HECW1: variants seen among roughly 807,000 people sequenced by gnomAD.
HECW1 encodes the protein HECT, C2 and WW domain containing E3 ubiquitin protein ligase 1, also known as E3 ubiquitin-protein ligase HECW1.
HECW1 carries 61 observed loss-of-function variants against 182.3 expected under a neutral mutation model. That is an observed-to-expected ratio of 0.33 (90% CI 0.27 to 0.41). The LOEUF (loss-of-function observed/expected upper bound fraction) is 0.41. Among genes scored for constraint, HECW1 ranks in the 10% least tolerant of loss-of-function variants. The pLI is 1.00. For synonymous variants in HECW1, 859 were observed against 832.6 expected, an observed-to-expected ratio of 1.03 and a Z score of -0.55; for missense variants, 1,739 against 2,108.9, an observed-to-expected ratio of 0.82 and a Z score of 3.44.
chr7:43,355,301 G>T (rs932481303), intron 5 of HECW1, among the ~76,000 whole-genome samples: 4 of 152,194 alleles, frequency 2.6e-5, no homozygotes, highest in African/African-American at 4.8e-5. Flanking sequence ...TACTGTAATT[G>T]TGGTGTGCAA....
At position 43,492,147 on chromosome 7, in the gene HECW1, C is replaced by A. The variant is rs1404107960; in HGVS notation, c.3307C>A (p.Arg1103=). The part of the protein sequence containing the change: ...RPGHSLVAAI[R]SQHQHESLPL... ...AGGACACAGCTTAGTAGCTGCTATT[C>A]GAAGCCAACATCAACATGAGTCATT... The change falls in exon 18 of 30, where the codon CGA becomes AGA. Residue 1103 remains arginine (R), a synonymous_variant. Coordinates refer to ENST00000395891, the MANE Select transcript of HECW1 (RefSeq NM_015052.5). The A allele has an allele frequency of 1.0e-5, 16 of 1,601,606 alleles. No individual in the cohort carries two copies. Among genetic ancestry groups the A allele is most frequent in the Non-Finnish European group, 1.4e-5 (16 of 1,176,834 alleles).
chr7:43,490,266 T>A (rs981414473), intron 17 of HECW1, among the ~76,000 whole-genome samples: 3 of 152,186 alleles, frequency 2.0e-5, no homozygotes, highest in African/African-American at 7.2e-5. Context: ...ACTGAGCTGC[T>A]TCCGTACCAT....
intron 2 of HECW1, among the ~76,000 whole-genome samples, chr7:43,184,907 G>A (rs1212799846): frequency 6.6e-6 from 1 of 152,006 alleles, no homozygotes; most frequent in Admixed American, 6.6e-5. Context: ...CAGATGAGGG[G>A]AGGTGCCACA....
At chr7:43,162,919 T>C (rs947773882) in intron 2 of HECW1, 1 of 152,230 alleles carries the variant, frequency 6.6e-6, no homozygotes, top group Non-Finnish European at 1.5e-5. Flanking sequence ...TTACTGTTGT[T>C]TTACAGATGA....
chr7:43,263,936 T>C (rs1476125227), intron 3 of HECW1, among the ~76,000 whole-genome samples: 5 of 152,244 alleles, frequency 3.3e-5, no homozygotes, highest in African/African-American at 1.2e-4. Flanking sequence ...AAATCTCTAA[T>C]TTTTAAAAAT....
At chr7:43,479,284 A>G (rs1172519694) in intron 16 of HECW1, among the ~76,000 whole-genome samples, 2 of 152,096 alleles carry the variant, frequency 1.3e-5, no homozygotes, top group Admixed American at 1.3e-4. Flanking sequence ...TCTCATAAGG[A>G]GTGTGCAACC....
chr7:43,414,043 G>C (rs2075900413), intron 8 of HECW1, among the ~76,000 whole-genome samples: 1 of 151,566 alleles, frequency 6.6e-6, no homozygotes, highest in Admixed American at 6.6e-5. Flanking sequence ...AATTACCCTG[G>C]GCAGTATGGC....
intron 3 of HECW1, among the ~76,000 whole-genome samples, chr7:43,277,163 T>C (rs1803266119): frequency 6.6e-6 from 1 of 152,162 alleles, no homozygotes; most frequent in Non-Finnish European, 1.5e-5. Context: ...AATGTGAAGA[T>C]GAACAAACCT....
rs766605415 is a variant in HECW1 at position 43,311,963 on chromosome 7, C to T, written c.228C>T (p.Asp76=). The T allele has an allele frequency of 1.2e-6, 2 of 1,614,238 alleles. No individual in the cohort carries two copies. The highest frequency in any genetic ancestry group is 1.7e-6 in the Non-Finnish European group (2 of 1,180,042). The part of the protein sequence containing the change: ...STSDTDLVTS[D]SRSTLMVSSS... Reference sequence around the variant, plus strand: ...GCGACACTGACCTGGTCACCTCGGACAGCCGCTCCACGCTCATGGTCAGCA... The same window carrying T: ...GCGACACTGACCTGGTCACCTCGGATAGCCGCTCCACGCTCATGGTCAGCA... The change falls in exon 4 of 30, where the codon GAC becomes GAT. Residue 76 remains aspartate, a synonymous_variant. Transcript: ENST00000395891.
chr7:43,451,846 C>T (rs1436639632), intron 12 of HECW1, among the ~76,000 whole-genome samples: 1 of 152,152 alleles, frequency 6.6e-6, no homozygotes, highest in Non-Finnish European at 1.5e-5. Context: ...ACTACGAAAT[C>T]TTTCCAGAAT....
intron 2 of HECW1, among the ~76,000 whole-genome samples, chr7:43,205,518 C>T (rs1247291174): frequency 6.6e-6 from 1 of 152,140 alleles, no homozygotes; most frequent in Non-Finnish European, 1.5e-5. Context: ...AGTCGTAGTT[C>T]TTCTAGGCCA....
intron 5 of HECW1, among the ~76,000 whole-genome samples, chr7:43,353,429 C>T (rs1814702564): frequency 6.6e-6 from 1 of 152,052 alleles, no homozygotes; most frequent in South Asian, 2.1e-4. Context: ...CCATGACGTC[C>T]ATTTCCAAAA....
chr7:43,505,882 G>GTATATAA (rs2079558396), intron 21 of HECW1, among the ~76,000 whole-genome samples: 1 of 152,300 alleles, frequency 6.6e-6, no homozygotes, highest in South Asian at 2.1e-4. Flanking sequence ...ATTTCTGAGA[G>GTATATAA]TTTACCAGCA....
Position 43,222,589 on chromosome 7 carries a change from G to C in HECW1, c.-31-21286G>C, listed in dbSNP as rs75940971. ...TTCTTCAGCTGCTACTGCTGAATTA[G>C]AGTCTAAAGATACTGTTCTTCTTCC... is the stretch of plus-strand genomic sequence containing the variant. On this transcript the variant is annotated intron_variant, in intron 2 of 29. Coordinates refer to ENST00000395891, the MANE Select transcript of HECW1 (RefSeq NM_015052.5). Among the ~76,000 whole-genome samples the C allele has an allele frequency of 9.7e-3, 1,479 of 152,298 alleles. 31 individuals carry two copies. Among genetic ancestry groups the C allele is most frequent in the East Asian group, 0.085 (438 of 5,172 alleles).
intron 22 of HECW1, 120 bp downstream of exon 22, chr7:43,507,377 CT>C: frequency 1.1e-6 from 1 of 943,056 alleles, no homozygotes; most frequent in Non-Finnish European, 1.5e-6. Flanking sequence ...TGGTTATGGT[CT>C]GAAGCGGGGG....
intron 3 of HECW1, among the ~76,000 whole-genome samples, chr7:43,294,563 AC>A (rs1805803220): frequency 6.6e-6 from 1 of 152,212 alleles, no homozygotes; most frequent in African/African-American, 2.4e-5. Context: ...CCTGGCTAAT[AC>A]TTGGCTCCTC....
At chr7:43,455,967 C>T (rs544119554) in intron 12 of HECW1, among the ~76,000 whole-genome samples, 2 of 152,038 alleles carry the variant, frequency 1.3e-5, no homozygotes, top group South Asian at 2.1e-4. Flanking sequence ...CACCACTGCA[C>T]TCCAGCCTGG....
chr7:43,479,582 G>A (rs201525922), intron 16 of HECW1, 28 bp from the exon 17 acceptor site: 2 of 1,613,776 alleles, frequency 1.2e-6, no homozygotes, highest in South Asian at 1.1e-5. Context: ...ACACCACACG[G>A]TGCTTTTTTT....
intron 2 of HECW1, among the ~76,000 whole-genome samples, chr7:43,208,626 G>A (rs1005653406): frequency 2.0e-5 from 3 of 152,250 alleles, no homozygotes; most frequent in Admixed American, 1.3e-4. Context: ...AGCTGGGGAA[G>A]CAAATGTGTG....
Sources: gnomAD v4.1 joint callset for allele counts (sites outside exome capture counted in the v4.1 genomes callset) on GRCh38, gnomAD v4.1.1 for gene constraint, MANE v1.5 for transcripts, NCBI Gene and HGNC (gene_info 2026-07-23, HGNC 2026-07-21) for gene names.